The following SCRN1 variants were observed in gnomAD, a reference collection of about 807,000 sequenced individuals.
SCRN1 encodes secernin-1.
A neutral mutation model predicts 43.3 loss-of-function variants in SCRN1; 19 were observed. The observed-to-expected ratio is 0.44, with a 90% CI of 0.31 to 0.64. SCRN1 has a LOEUF of 0.64. Ranked by LOEUF, SCRN1 falls within the 30% of genes least tolerant of loss-of-function variation. The probability of loss-of-function intolerance (pLI) is 0.09; values close to 1 mark genes in which losing one functional copy is unlikely to be tolerated. For synonymous variants in SCRN1, 183 were observed against 188.9 expected (o/e 0.97, Z 0.26); for missense variants, 447 against 524.1 (o/e 0.85, Z 1.44).
At chr7:29,979,244 T>A (rs1788926475) in intron 1 of SCRN1, among the ~76,000 whole-genome samples, 1 of 151,924 alleles carries the variant, frequency 6.6e-6, no homozygotes, top group Non-Finnish European at 1.5e-5. Context: ...GTGCCTGTAA[T>A]CCCAGCTACT....
chr7:29,936,487 C>T (rs767471071), intron 6 of SCRN1, 69 bp downstream of exon 6: 34 of 1,377,950 alleles, frequency 2.5e-5, no homozygotes, highest in Middle Eastern at 2.0e-4. Flanking sequence ...GCGCTTACTA[C>T]GCACTTGCTG....
chr7:29,987,028 G>C (rs573675142), intron 1 of SCRN1, among the ~76,000 whole-genome samples: 3 of 151,560 alleles, frequency 2.0e-5, no homozygotes, highest in South Asian at 2.1e-4. Context: ...CCGGCTGCAA[G>C]TTAGTTTTCT....
intron 1 of SCRN1, among the ~76,000 whole-genome samples, chr7:29,971,316 T>C (rs970683388): frequency 6.6e-6 from 1 of 152,118 alleles, no homozygotes; most frequent in African/African-American, 2.4e-5. Flanking sequence ...TTGCAAACTG[T>C]GGAGGATGCA....
chr7:29,969,987 C>T, intron 1 of SCRN1: 1 of 410,490 alleles, frequency 2.4e-6, no homozygotes. Context: ...TGGAAACCTC[C>T]CACTCCTCTC....
intron 1 of SCRN1, 177 bp from the exon 2 acceptor site, chr7:29,969,245 A>G: frequency 3.9e-5 from 23 of 584,696 alleles, no homozygotes; most frequent in South Asian, 1.6e-4. Context: ...GGAATGACAG[A>G]GCCACCGAGA....
chr7:29,946,087 A>C (rs1787729690), intron 3 of SCRN1, among the ~76,000 whole-genome samples: 1 of 152,244 alleles, frequency 6.6e-6, no homozygotes, highest in African/African-American at 2.4e-5. Flanking sequence ...AAATAATTAC[A>C]TGACAATTCA....
At chr7:29,978,639 C>T (rs1788903484) in intron 1 of SCRN1, among the ~76,000 whole-genome samples, 1 of 152,052 alleles carries the variant, frequency 6.6e-6, no homozygotes, top group Non-Finnish European at 1.5e-5. Flanking sequence ...CACAACATCG[C>T]ATGGTGTTGT....
intron 7 of SCRN1, among the ~76,000 whole-genome samples, chr7:29,925,763 C>G (rs1786926703): frequency 6.7e-6 from 1 of 149,492 alleles, no homozygotes; most frequent in South Asian, 2.1e-4. Flanking sequence ...AATCCCAGCA[C>G]TTTGGGAGGC....
upstream of SCRN1, chr7:29,990,071 T>C (rs1789319505): frequency 6.6e-7 from 1 of 1,517,774 alleles, no homozygotes; most frequent in Non-Finnish European, 8.8e-7. Context: ...AAACCCGGGC[T>C]TCAAGGAGCC....
rs58247318 is a variant in SCRN1 at position 29,966,159 on chromosome 7, C to CAGAGAGAGAGAGAGAGAG, written c.159+2732_159+2749dup. On this transcript the variant is annotated intron_variant, in intron 2 of 7. Transcript: ENST00000242059. Reference sequence around the variant, plus strand: ...AGACAGAGAGAGAGAGACCGAGAGACAGAGAGAGAGAGAGAGAGAGAGAGA... The same window carrying CAGAGAGAGAGAGAGAGAG: ...AGACAGAGAGAGAGAGACCGAGAGACAGAGAGAGAGAGAGAGAGAGAGAGAGAGAGAGAGAGAGAGAGA... Among the ~76,000 whole-genome samples, 187 of 84,462 alleles carry CAGAGAGAGAGAGAGAGAG rather than the reference C, an allele frequency of 2.2e-3. 7 individuals are homozygous for CAGAGAGAGAGAGAGAGAG. Among genetic ancestry groups the CAGAGAGAGAGAGAGAGAG allele is most frequent in the African/African-American group, 3.4e-3 (69 of 20,044 alleles). 55.4% of individuals were successfully genotyped at this position (84,462 alleles called of 152,430 possible). A position where few individuals can be genotyped will look rare whatever the true frequency, so the allele number is the denominator to read the frequency against.
chr7:29,954,870 G>A (rs994536831), intron 3 of SCRN1, among the ~76,000 whole-genome samples: 4 of 152,050 alleles, frequency 2.6e-5, no homozygotes, highest in East Asian at 1.9e-4. Flanking sequence ...TCGTAGAGAC[G>A]GGGTTTCACC....
chr7:29,925,999 ATGT>A (rs1786938846), intron 7 of SCRN1, among the ~76,000 whole-genome samples: 1 of 152,342 alleles, frequency 6.6e-6, no homozygotes, highest in East Asian at 1.9e-4. Flanking sequence ...CTCATTCACA[ATGT>A]TGTGCAACCA....
intron 7 of SCRN1, among the ~76,000 whole-genome samples, chr7:29,925,856 A>C (rs1380777793): frequency 7.5e-6 from 1 of 132,870 alleles, no homozygotes; most frequent in Non-Finnish European, 1.6e-5. Context: ...TAAAAATACA[A>C]AAAAAAAAAA....
chr7:29,969,855 TTTC>T (rs1788613418), intron 1 of SCRN1: 1 of 456,274 alleles, frequency 2.2e-6, no homozygotes, highest in South Asian at 1.5e-5. Context: ...CCGAAGCTGA[TTTC>T]ATCTTCTTCC....
At chr7:29,925,228 C>T (rs1421843876) in intron 7 of SCRN1, among the ~76,000 whole-genome samples, 1 of 152,182 alleles carries the variant, frequency 6.6e-6, no homozygotes, top group Non-Finnish European at 1.5e-5. Flanking sequence ...ACTGTGCGAC[C>T]TTTACGTGTC....
At chr7:29,961,225 G>A (rs1268582415) in intron 2 of SCRN1, among the ~76,000 whole-genome samples, 7 of 142,184 alleles carry the variant, frequency 4.9e-5, no homozygotes, top group Admixed American at 1.4e-4. Context: ...GGCCTTCCGC[G>A]GTGTTTGTGT....
rs1787612997 is a variant in SCRN1 at position 29,943,114 on chromosome 7, G to A, written c.544+863C>T. Among the ~76,000 whole-genome samples, 5 of 152,108 alleles carry A rather than the reference G, an allele frequency of 3.3e-5. No homozygotes were observed. The South Asian group carries it at 1.0e-3, about 32-fold the overall frequency. ...AAATTTAGTTAAGAAAAATACATAG[G>A]CCAAGAATAGGTTCAACGAAAGAGA... On this transcript the variant is annotated intron_variant, in intron 4 of 7. Transcript: ENST00000242059.
chr7:29,986,256 C>T (rs1049898289), intron 1 of SCRN1, among the ~76,000 whole-genome samples: 1 of 151,892 alleles, frequency 6.6e-6, no homozygotes, highest in Non-Finnish European at 1.5e-5. Context: ...AAGACAGATG[C>T]GAACCATATT....
chr7:29,976,809 CT>C (rs1311577320), intron 1 of SCRN1, among the ~76,000 whole-genome samples: 1 of 152,220 alleles, frequency 6.6e-6, no homozygotes, highest in African/African-American at 2.4e-5. Flanking sequence ...TGCAAAGGAG[CT>C]GCATGTACCA....
Sources: gnomAD v4.1 joint callset for allele counts (sites outside exome capture counted in the v4.1 genomes callset) on GRCh38, gnomAD v4.1.1 for gene constraint, MANE v1.5 for transcripts, NCBI Gene and HGNC (gene_info 2026-07-23, HGNC 2026-07-21) for gene names.